The following CDH13 variants were observed in gnomAD, a reference collection of about 807,000 sequenced individuals.
CDH13 encodes cadherin-13.
In CDH13, 24 loss-of-function variants were observed where a neutral mutation model predicts 63.8. The ratio of observed to expected loss-of-function variants is 0.38; its 90% CI spans 0.27 to 0.53. The LOEUF (loss-of-function observed/expected upper bound fraction) is 0.53. Ranked by LOEUF, CDH13 falls within the 20% of genes least tolerant of loss-of-function variation. CDH13 has a pLI of 0.85. For missense variants in CDH13, 1,049 were observed against 903.1 expected, an observed-to-expected ratio of 1.16 and a Z score of -2.07; for synonymous variants, 503 against 355.3, an observed-to-expected ratio of 1.42 and a Z score of -4.67.
At chr16:83,387,149 C>T (rs1028803687) in intron 6 of CDH13, among the ~76,000 whole-genome samples, 2 of 152,224 alleles carry the variant, frequency 1.3e-5, no homozygotes, top group African/African-American at 4.8e-5. Context: ...ATGTCTGCCC[C>T]AGGAACTTAT....
chr16:82,745,302 T>C lies in CDH13; in HGVS notation c.46-113060T>C, dbSNP rs374205500. On this transcript the variant is annotated intron_variant, in intron 1 of 13. Transcript: ENST00000567109. ...AGCCTTTCCCAACCGAATGCATTAT[T>C]AAAGATACAACGTGTAACTCAGGAC... 1.1e-4 allele frequency among the ~76,000 whole-genome samples: 17 copies of C among 152,290 alleles called. No individual in the cohort carries two copies. In the South Asian group the frequency reaches 3.5e-3, roughly 32 times the overall value.
At chr16:82,630,449 C>T (rs181950242) in intron 1 of CDH13, among the ~76,000 whole-genome samples, 63 of 152,292 alleles carry the variant, frequency 4.1e-4, no homozygotes, top group Non-Finnish European at 6.9e-4. Context: ...CTTAGCTGAT[C>T]GCTCCTACTC....
chr16:83,094,988 A>T (rs2034123440), intron 3 of CDH13, among the ~76,000 whole-genome samples: 1 of 152,190 alleles, frequency 6.6e-6, no homozygotes, highest in South Asian at 2.1e-4. Context: ...TTGTAGGATT[A>T]ATCATCAGAG....
intron 1 of CDH13, among the ~76,000 whole-genome samples, chr16:82,761,005 A>ATTTCTTTC (rs1416083042): frequency 1.7e-4 from 12 of 70,352 alleles, no homozygotes; most frequent in Non-Finnish European, 2.4e-4. Flanking sequence ...TGGGGTTCAC[A>ATTTCTTTC]TTTCTTTCTT....
At chr16:83,500,252 C>CTT in intron 7 of CDH13, among the ~76,000 whole-genome samples, 1 of 2,334 alleles carries the variant, frequency 4.3e-4, no homozygotes, top group South Asian at 0.071. Context: ...TCTTCTTCTT[C>CTT]TTCTTCTTCT....
chr16:82,829,959 C>T lies in CDH13; in HGVS notation c.46-28403C>T, dbSNP rs537779618. 6.6e-5 allele frequency among the ~76,000 whole-genome samples: 10 copies of T among 152,258 alleles called. No individual in the cohort carries two copies. In the South Asian group the frequency reaches 1.0e-3, roughly 16 times the overall value. ...ATTGTTAGGAAAATAGTAATAAAGACGATGTTTAGAGTAACCAACATTATT... is the reference window on the plus strand; with the variant it reads ...ATTGTTAGGAAAATAGTAATAAAGATGATGTTTAGAGTAACCAACATTATT... On this transcript the variant is annotated intron_variant, in intron 1 of 13. Transcript: ENST00000567109.
intron 9 of CDH13, among the ~76,000 whole-genome samples, chr16:83,677,508 C>G (rs1915056767): frequency 1.4e-5 from 1 of 72,120 alleles, no homozygotes. Context: ...TTCACATGCC[C>G]TCAGTTGGGC....
intron 5 of CDH13, among the ~76,000 whole-genome samples, chr16:83,219,167 T>G (rs1257738467): frequency 6.6e-6 from 1 of 152,220 alleles, no homozygotes; most frequent in Non-Finnish European, 1.5e-5. Context: ...TTACCCTCCC[T>G]GATCTTGGGA....
At chr16:82,842,609 A>G (rs2039081466) in intron 1 of CDH13, among the ~76,000 whole-genome samples, 1 of 152,052 alleles carries the variant, frequency 6.6e-6, no homozygotes, top group African/African-American at 2.4e-5. Context: ...TGGCACTAGG[A>G]CTGGTTTCAT....
rs1022245719 is a variant in CDH13, at chr16:82,644,166, C to G, written c.45+17029C>G. Among the ~76,000 whole-genome samples, 1 of 152,110 alleles carries G rather than the reference C, an allele frequency of 6.6e-6. No homozygotes were observed. Among genetic ancestry groups the G allele is most frequent in the East Asian group, 1.9e-4 (1 of 5,184 alleles). ...ATTGCTGAAGGATTTAGGATTTACC[C>G]AAATTAACATGAATGTTTGGCACCC... On this transcript the variant is annotated intron_variant, in intron 1 of 13. Coordinates refer to ENST00000567109, the MANE Select transcript of CDH13 (RefSeq NM_001257.5). The surrounding 1 kb of genome is among the most constrained non-coding windows in gnomAD (Gnocchi z 5.7).
At chr16:83,517,846 A>C (rs1001638655) in intron 7 of CDH13, among the ~76,000 whole-genome samples, 6 of 152,160 alleles carry the variant, frequency 3.9e-5, no homozygotes, top group Admixed American at 3.9e-4. Flanking sequence ...ACTCTCACTA[A>C]ATGCAAGGCA....
chr16:82,656,441 C>G (rs886760488), intron 1 of CDH13, among the ~76,000 whole-genome samples: 1 of 152,124 alleles, frequency 6.6e-6, no homozygotes, highest in African/African-American at 2.4e-5. Flanking sequence ...GGTTTAAGTT[C>G]ACAGCAAAAT....
chr16:82,951,885 T>C (rs1386412131), intron 2 of CDH13, among the ~76,000 whole-genome samples: 1 of 152,146 alleles, frequency 6.6e-6, no homozygotes, highest in Non-Finnish European at 1.5e-5. Flanking sequence ...GCCACAGAAG[T>C]GCAACAAAGA....
intron 5 of CDH13, among the ~76,000 whole-genome samples, chr16:83,330,402 T>C (rs1043645614): frequency 1.3e-5 from 2 of 152,182 alleles, no homozygotes; most frequent in Non-Finnish European, 2.9e-5. Flanking sequence ...TAAAAAATGA[T>C]CTCAAAACAG....
chr16:83,671,343 G>T (rs973651591), intron 9 of CDH13, among the ~76,000 whole-genome samples: 1 of 152,126 alleles, frequency 6.6e-6, no homozygotes, highest in Admixed American at 6.5e-5. Context: ...CCGCCTCCTA[G>T]GTTCAAGTGA....
intron 2 of CDH13, among the ~76,000 whole-genome samples, chr16:82,929,902 AC>A (rs778271743): frequency 6.6e-6 from 1 of 152,060 alleles, no homozygotes; most frequent in Non-Finnish European, 1.5e-5. Context: ...ATTAGTTTTC[AC>A]AAACCAAACA....
At chr16:83,695,097 T>G (rs1905248270) in intron 10 of CDH13, among the ~76,000 whole-genome samples, 1 of 151,998 alleles carries the variant, frequency 6.6e-6, no homozygotes, top group African/African-American at 2.4e-5. Flanking sequence ...GTCCCAGCTA[T>G]TCAGGAGGCT....
chr16:83,179,481 TA>T (rs565547312), intron 4 of CDH13, among the ~76,000 whole-genome samples: 160 of 69,082 alleles, frequency 2.3e-3, no homozygotes, highest in Admixed American at 5.2e-3. Flanking sequence ...CCGTCTCTAC[TA>T]AAAAAAAAAA....
At chr16:83,104,080 C>T (rs1041457633) in intron 3 of CDH13, among the ~76,000 whole-genome samples, 1 of 152,158 alleles carries the variant, frequency 6.6e-6, no homozygotes, top group African/African-American at 2.4e-5. Flanking sequence ...ATCCTTCTGG[C>T]TTTTAAAGAA....
Sources: allele counts gnomAD v4.1 joint callset (sites outside exome capture counted in the v4.1 genomes callset), GRCh38; gene constraint gnomAD v4.1.1; non-coding constraint Gnocchi (gnomAD v3.1); transcripts MANE v1.5; gene names NCBI Gene and HGNC (gene_info 2026-07-23, HGNC 2026-07-21).